TMEM245: variants seen among roughly 807,000 people sequenced by gnomAD.
TMEM245 encodes the protein transmembrane protein 245.
TMEM245 carries 69 observed loss-of-function variants against 101.2 expected under a neutral mutation model. That is an observed-to-expected ratio of 0.68 (90% confidence interval 0.56 to 0.83). The LOEUF (loss-of-function observed/expected upper bound fraction) is 0.83, where lower values mean the gene tolerates loss of function less well. Among genes scored for constraint, TMEM245 ranks in the 40% least tolerant of loss-of-function variants. The pLI, the probability that TMEM245 is intolerant of heterozygous loss-of-function variation, is 0.00. For missense variants in TMEM245, 1,075 were observed against 1,092.8 expected (o/e 0.98, Z 0.23); for synonymous variants, 537 against 449.8 (o/e 1.19, Z -2.45).
At chr9:109,052,235 TA>T (rs1387022122) in intron 12 of TMEM245, among the ~76,000 whole-genome samples, 3 of 152,230 alleles carry the variant, frequency 2.0e-5, no homozygotes, top group Non-Finnish European at 2.9e-5. Flanking sequence ...TTACCATTTC[TA>T]AAATGCTTCC....
chr9:109,069,446 C>G (rs568187911), intron 9 of TMEM245, among the ~76,000 whole-genome samples: 2 of 152,292 alleles, frequency 1.3e-5, no homozygotes, highest in East Asian at 3.9e-4. Flanking sequence ...GTTGGTTCCT[C>G]CTTTTTCCCA....
chr9:109,057,916 AT>A (rs962788660), intron 11 of TMEM245, among the ~76,000 whole-genome samples: 1 of 132,980 alleles, frequency 7.5e-6, no homozygotes, highest in Non-Finnish European at 1.6e-5. Flanking sequence ...ACTAAACAGC[AT>A]TTACTTTCTT....
chr9:109,064,342 T>C (rs1829100854), intron 10 of TMEM245, 135 bp downstream of exon 10: 1 of 716,052 alleles, frequency 1.4e-6, no homozygotes, highest in Non-Finnish European at 2.3e-6. Context: ...GATTTCATTG[T>C]ATGTTGCTTA....
chr9:109,116,633 G>C (rs1022529911), intron 1 of TMEM245, among the ~76,000 whole-genome samples: 1 of 151,960 alleles, frequency 6.6e-6, no homozygotes, highest in Non-Finnish European at 1.5e-5. Flanking sequence ...TTGGGTTCAA[G>C]AGATTGCCTC....
intron 8 of TMEM245, among the ~76,000 whole-genome samples, chr9:109,074,535 G>GA (rs1394075243): frequency 1.3e-5 from 2 of 152,126 alleles, no homozygotes; most frequent in African/African-American, 4.8e-5. Flanking sequence ...TAATGAGGGA[G>GA]AAAAGGATAA....
At chr9:109,056,510 G>A (rs1453031351) in intron 12 of TMEM245, among the ~76,000 whole-genome samples, 1 of 150,354 alleles carries the variant, frequency 6.7e-6, no homozygotes, top group African/African-American at 2.5e-5. Context: ...CAGCTACTTA[G>A]GAGGCTGAGG....
At chr9:109,086,089 A>G (rs376777256) in intron 6 of TMEM245, 69 bp from the exon 7 acceptor site, 1 of 1,515,264 alleles carries the variant, frequency 6.6e-7, no homozygotes, top group African/African-American at 1.4e-5. Flanking sequence ...GAATGCAACC[A>G]TAGTATGAAA....
intron 9 of TMEM245, among the ~76,000 whole-genome samples, chr9:109,065,727 G>A (rs1231112204): frequency 2.6e-5 from 4 of 152,144 alleles, no homozygotes; most frequent in South Asian, 4.1e-4. Context: ...AATAATATAC[G>A]CTGGAGATGT....
At position 109,080,962 on chromosome 9, in the gene TMEM245, G is replaced by C; in HGVS notation, c.1345-19C>G. 6.9e-7 allele frequency: 1 copy of C among 1,448,664 alleles called. No homozygotes were observed. Among genetic ancestry groups the C allele is most frequent in the Non-Finnish European group, 9.6e-7 (1 of 1,036,514 alleles). 89.7% of individuals were successfully genotyped at this position (1,448,664 alleles called of 1,614,324 possible). ...TGATCATCTGCACAAAAACGAAAAA[G>C]AGAATTACTTATCTTTAAAGTAGAA... On this transcript the variant is annotated intron_variant, in intron 7 of 17. Coordinates refer to ENST00000374586, the MANE Select transcript of TMEM245 (RefSeq NM_032012.4).
At chr9:109,070,024 C>T (rs902667052) in intron 9 of TMEM245, among the ~76,000 whole-genome samples, 2 of 152,216 alleles carry the variant, frequency 1.3e-5, no homozygotes, top group Non-Finnish European at 2.9e-5. Flanking sequence ...TTTCCTCTTA[C>T]CTTTCTCATA....
At chr9:109,038,670 C>T (rs929418287) in intron 14 of TMEM245, 3 of 152,058 alleles carry the variant, frequency 2.0e-5, no homozygotes, top group Non-Finnish European at 2.9e-5. Flanking sequence ...CTTACAAATG[C>T]TATCAAAGAA....
chr9:109,110,942 A>G (rs1830551608), intron 1 of TMEM245, among the ~76,000 whole-genome samples: 1 of 152,202 alleles, frequency 6.6e-6, no homozygotes, highest in Admixed American at 6.5e-5. Flanking sequence ...CTTATTTCTA[A>G]AAGTACAATA....
intron 4 of TMEM245, among the ~76,000 whole-genome samples, chr9:109,092,080 C>T (rs1830023760): frequency 6.6e-6 from 1 of 152,192 alleles, no homozygotes. Context: ...TCCCCCTGGT[C>T]TTTTACATAG....
intron 7 of TMEM245, among the ~76,000 whole-genome samples, chr9:109,083,025 G>A (rs1829712737): frequency 6.6e-6 from 1 of 152,030 alleles, no homozygotes; most frequent in Admixed American, 6.6e-5. Context: ...GGACAAGAAG[G>A]GAGACAGTAA....
chr9:109,119,340 G>A lies in TMEM245; in HGVS notation c.574C>T (p.Leu192=). The A allele has an allele frequency of 6.5e-7, 1 of 1,530,016 alleles. No homozygotes were observed. Among genetic ancestry groups the A allele is most frequent in the Non-Finnish European group, 8.8e-7 (1 of 1,142,694 alleles). The allele number at this position is 1,530,016 out of a possible 1,614,324, so 94.8% of individuals were successfully genotyped here. ...ICRGLDYFSS[L]WIWTLVVGYV... ...GCGGACTGCCGCTCACTCACCCACA[G>A]GCTGCTGAAGTAGTCCAGCCCGCGG... Residue 192 remains leucine (L), a synonymous_variant, in exon 1 of 18, where the codon CTG becomes TTG. Transcript: ENST00000374586.
At chr9:109,092,417 C>T (rs946038756) in intron 4 of TMEM245, among the ~76,000 whole-genome samples, 1 of 152,222 alleles carries the variant, frequency 6.6e-6, no homozygotes, top group South Asian at 2.1e-4. Flanking sequence ...CTCACTAGGA[C>T]CAACATTCTA....
intron 9 of TMEM245, among the ~76,000 whole-genome samples, chr9:109,070,914 C>T (rs984880661): frequency 6.6e-6 from 1 of 152,156 alleles, no homozygotes; most frequent in African/African-American, 2.4e-5. Flanking sequence ...CATAGTCTTA[C>T]CCTATCATCC....
In TMEM245 at chr9:109,050,579, T is replaced by C. The variant is rs529662014; in HGVS notation, c.1968A>G (p.Val656=). The C allele has an allele frequency of 2.3e-5, 37 of 1,613,106 alleles. No individual in the cohort carries two copies. In the African/African-American group the frequency reaches 4.3e-4, roughly 19 times the overall value. The change falls in exon 13 of 18, where the codon GTA becomes GTG. Residue 656 remains valine (V), a synonymous_variant. Coordinates refer to ENST00000374586, the MANE Select transcript of TMEM245 (RefSeq NM_032012.4). The part of the protein sequence containing the change: ...FYSGTALLNF[V]LSLIIFLTTL... Reference sequence around the variant, plus strand: ...ATCTATGTGGACGTACCAGAGAGAGTACAAAATTGAGAAGGGCTGTCCCGC... The same window carrying C: ...ATCTATGTGGACGTACCAGAGAGAGCACAAAATTGAGAAGGGCTGTCCCGC...
At position 109,042,839 on chromosome 9, in the gene TMEM245, AT is replaced by A. The variant is rs754295748; in HGVS notation, c.2124-4723del. ...AAAATAAATAAAGGTATAGCTGACA[AT>A]TTTTTTTTTTTTTTTTTTTTTTTGA... On this transcript the variant is annotated intron_variant, in intron 14 of 17. Transcript: ENST00000374586. 9.5e-3 allele frequency among the ~76,000 whole-genome samples: 1,094 copies of A among 115,398 alleles called. 5 individuals carry two copies. The highest frequency in any genetic ancestry group is 0.029 in the African/African-American group (853 of 29,522). The allele number at this position is 115,398 out of a possible 152,430, so 75.7% of individuals were successfully genotyped here.
Sources: allele counts gnomAD v4.1 joint callset (sites outside exome capture counted in the v4.1 genomes callset), GRCh38; gene constraint gnomAD v4.1.1; transcripts MANE v1.5; gene names NCBI Gene and HGNC (gene_info 2026-07-23, HGNC 2026-07-21).